The following PLEKHG6 variants were observed in gnomAD, a reference collection of about 807,000 sequenced individuals.
PLEKHG6 encodes the protein pleckstrin homology and RhoGEF domain containing G6.
In PLEKHG6, 91 loss-of-function variants were observed where a neutral mutation model predicts 97.5. The observed-to-expected ratio is 0.93, with a 90% CI of 0.79 to 1.11. PLEKHG6 has a LOEUF of 1.11. Ranked by LOEUF, PLEKHG6 falls within the 50% of genes most tolerant of loss-of-function variation. PLEKHG6 has a pLI of 0.00. For synonymous variants in PLEKHG6, 466 were observed against 425.5 expected (o/e 1.10, Z -1.17); for missense variants, 1,044 against 1,031.0 (o/e 1.01, Z -0.17).
At chr12:6,324,298 C>CG (rs1050918840) in intron 13 of PLEKHG6, among the ~76,000 whole-genome samples, 3 of 145,000 alleles carry the variant, frequency 2.1e-5, no homozygotes, top group Non-Finnish European at 3.1e-5. Context: ...CCCCTCCCCC[C>CG]CCCGCCGCCT....
intron 13 of PLEKHG6, among the ~76,000 whole-genome samples, chr12:6,325,896 C>T (rs564463795): frequency 6.6e-6 from 1 of 152,304 alleles, no homozygotes; most frequent in East Asian, 1.9e-4. Context: ...GGCACCACCC[C>T]ACTTTCTTAT....
chr12:6,327,654 C>T lies in PLEKHG6; in HGVS notation c.2071C>T (p.Arg691Trp), dbSNP rs964754584. ...VVETLHRARLRGQLPSSPTHA... is the reference protein window; with the variant it reads ...VVETLHRARLWGQLPSSPTHA... ...GGAAACACTCCACAGGGCCCGGCTT[C>T]GGGGCCAGCTTCCCTCCTCCCCAAC... Residue 691 changes from arginine to tryptophan, a missense_variant, in exon 15 of 16, where the codon CGG becomes TGG. Arg to Trp is a moderately radical substitution (Grantham distance 101). Coordinates refer to ENST00000684764, the MANE Select transcript of PLEKHG6 (RefSeq NM_001384598.1). The T allele has an allele frequency of 1.6e-5, 25 of 1,558,734 alleles. No homozygotes were observed. The highest frequency in any genetic ancestry group is 1.2e-4 in the East Asian group (5 of 42,314).
chr12:6,321,671 C>CA (rs1358070539), intron 13 of PLEKHG6, among the ~76,000 whole-genome samples: 1 of 151,534 alleles, frequency 6.6e-6, no homozygotes, highest in African/African-American at 2.4e-5. Flanking sequence ...CTAAAAAAGA[C>CA]AAAAAATTAG....
intron 14 of PLEKHG6, 60 bp from the exon 15 acceptor site, chr12:6,327,194 G>A (rs1750620073): frequency 9.3e-7 from 1 of 1,077,696 alleles, no homozygotes; most frequent in African/African-American, 1.6e-5. Flanking sequence ...AGTGATCAAG[G>A]GAAACTCCCT....
chr12:6,313,599 C>T lies in PLEKHG6; in HGVS notation c.139-30C>T, dbSNP rs535633886. The stretch of plus-strand genomic sequence containing the variant: ...TGGGGTTTCTGGGGAAAGGGAGGCA[C>T]CCCCAGAACTTCCCCTGCTCCTCTC... On this transcript the variant is annotated intron_variant, in intron 2 of 15. Coordinates refer to ENST00000684764, the MANE Select transcript of PLEKHG6 (RefSeq NM_001384598.1). 345 of 1,611,960 alleles carry T rather than the reference C, an allele frequency of 2.1e-4. 3 individuals carry two copies. The South Asian group carries it at 3.6e-3, about 17-fold the overall frequency.
Position 6,312,298 on chromosome 12 carries a change from G to T in PLEKHG6, c.72G>T (p.Gly24=), listed in dbSNP as rs1947298677. 6.4e-7 allele frequency: 1 copy of T among 1,566,072 alleles called. No homozygotes were observed. Among genetic ancestry groups the T allele is most frequent in the Non-Finnish European group, 8.6e-7 (1 of 1,162,130 alleles). Residue 24 remains glycine (G), a synonymous_variant, in exon 2 of 16, where the codon GGG becomes GGT. Coordinates refer to ENST00000684764, the MANE Select transcript of PLEKHG6 (RefSeq NM_001384598.1). ...GLVASRIETY[G]GRHRASAQST... ...TGGCCTCCCGCATTGAGACTTATGG[G>T]GGCCGGCATCGAGCCTCTGCTCAGA... is the stretch of plus-strand genomic sequence containing the variant.
At chr12:6,313,529 G>A (rs921988003) in intron 2 of PLEKHG6, 100 bp from the exon 3 acceptor site, 10 of 1,391,126 alleles carry the variant, frequency 7.2e-6, no homozygotes, top group African/African-American at 1.4e-5. Context: ...TTACCAGGGT[G>A]GGGGAACAAC....
chr12:6,322,524 G>T (rs973938148), intron 13 of PLEKHG6, among the ~76,000 whole-genome samples: 3 of 152,120 alleles, frequency 2.0e-5, no homozygotes, highest in African/African-American at 7.2e-5. Flanking sequence ...TTCCACCTAA[G>T]CCTAAACACA....
chr12:6,318,598 A>G, intron 11 of PLEKHG6, 147 bp from the exon 12 acceptor site: 1 of 1,131,224 alleles, frequency 8.8e-7, no homozygotes, highest in Non-Finnish European at 1.3e-6. Flanking sequence ...GAGAGATGTG[A>G]CCAAAGCGAC....
At position 6,318,360 on chromosome 12, in the gene PLEKHG6, G is replaced by C. The variant is rs1303703222; in HGVS notation, c.1215G>C (p.Glu405Asp). ...CCCCCATGCTGGGGGTTGCATCTGAGCACACCAGACAGCTGCTGCTGGAGG... is the reference window on the plus strand; with the variant it reads ...CCCCCATGCTGGGGGTTGCATCTGACCACACCAGACAGCTGCTGCTGGAGG... ...LTSPMLGVAS[E>D]HTRQLLLEGP... The change falls in exon 11 of 16, where the codon GAG becomes GAC. Residue 405 changes from glutamate (E) to aspartate (D), a missense_variant. Glu to Asp is a conservative substitution (Grantham distance 45, BLOSUM62 2). Transcript: ENST00000684764. 1 of 1,613,874 alleles carries C rather than the reference G, an allele frequency of 6.2e-7. No individual in the cohort carries two copies. Among genetic ancestry groups the C allele is most frequent in the Non-Finnish European group, 8.5e-7 (1 of 1,179,974 alleles).
intron 11 of PLEKHG6, 46 bp from the exon 12 acceptor site, chr12:6,318,699 T>A: frequency 1.9e-6 from 3 of 1,594,738 alleles, no homozygotes; most frequent in Non-Finnish European, 1.7e-6. Context: ...GCCCTGCCCC[T>A]GGCTCCAGCT....
intron 13 of PLEKHG6, among the ~76,000 whole-genome samples, chr12:6,324,670 G>A (rs1947810445): frequency 6.6e-6 from 1 of 152,158 alleles, no homozygotes; most frequent in South Asian, 2.1e-4. Flanking sequence ...TGAGAATGCT[G>A]TCAGCCTTGG....
chr12:6,318,521 T>G, intron 11 of PLEKHG6, 101 bp downstream of exon 11: 1 of 1,412,064 alleles, frequency 7.1e-7, no homozygotes, highest in Non-Finnish European at 9.5e-7. Flanking sequence ...GGGAAGAGGA[T>G]GTGGTTCTGG....
intron 1 of PLEKHG6, chr12:6,311,165 G>GC (rs1947249215): frequency 6.6e-6 from 1 of 152,262 alleles, no homozygotes; most frequent in Admixed American, 6.5e-5. Context: ...GCCTTCTTGA[G>GC]CCCACCGCCC....
chr12:6,315,834 G>A lies in PLEKHG6; in HGVS notation c.556-35G>A, dbSNP rs769164321. 2.9e-5 allele frequency: 44 copies of A among 1,539,634 alleles called. No homozygotes were observed. In the East Asian group the frequency reaches 6.1e-4, roughly 21 times the overall value. ...GGAGGTGACGACACTGAAGGGCTGC[G>A]CTGGGTCCTGAGACCCTCGTCTCCC... On this transcript the variant is annotated intron_variant, in intron 5 of 15. Transcript: ENST00000684764. The surrounding 1 kb of genome is among the most constrained non-coding windows in gnomAD (Gnocchi z 4.5).
chr12:6,312,037 C>G, intron 1 of PLEKHG6, 122 bp from the exon 2 acceptor site: 1 of 485,488 alleles, frequency 2.1e-6, no homozygotes, highest in South Asian at 4.0e-5. Flanking sequence ...AGTGACCAAG[C>G]CCTTGGCCCT....
At position 6,316,164 on chromosome 12, in the gene PLEKHG6, G is replaced by A. The variant is rs1305624344; in HGVS notation, c.607-91G>A. 1.2e-5 allele frequency: 16 copies of A among 1,314,046 alleles called. No individual in the cohort carries two copies. Among genetic ancestry groups the A allele is most frequent in the Non-Finnish European group, 1.5e-5 (15 of 971,400 alleles). 81.4% of individuals were successfully genotyped at this position (1,314,046 alleles called of 1,614,324 possible). ...ATCCTTCTTCACCCCCGCCCCTGCTGTCCAAGCTTAAGGTCCTCACCTTTC... is the reference window on the plus strand; with the variant it reads ...ATCCTTCTTCACCCCCGCCCCTGCTATCCAAGCTTAAGGTCCTCACCTTTC... On this transcript the variant is annotated intron_variant, in intron 6 of 15. Coordinates refer to ENST00000684764, the MANE Select transcript of PLEKHG6 (RefSeq NM_001384598.1). This position sits in a 1 kb window ranked among gnomAD's most constrained non-coding sequence, Gnocchi z 4.1.
chr12:6,313,182 C>A, intron 2 of PLEKHG6: 1 of 1,550,056 alleles, frequency 6.5e-7, no homozygotes, highest in Non-Finnish European at 8.7e-7. Context: ...GAGAAGGCTG[C>A]ACATGTGAGT....
chr12:6,315,657 C>T lies in PLEKHG6; in HGVS notation c.555+8C>T. On this transcript the variant is annotated splice_region_variant and intron_variant, in intron 5 of 15. Coordinates refer to ENST00000684764, the MANE Select transcript of PLEKHG6 (RefSeq NM_001384598.1). This position sits in a 1 kb window ranked among gnomAD's most constrained non-coding sequence, Gnocchi z 4.5. ...CTCAAGATCATGACTGATGTGAGCC[C>T]CCCTCAGCCCCAGCCCCGGCCCCAT... 1 of 1,546,390 alleles carries T rather than the reference C, an allele frequency of 6.5e-7. No homozygotes were observed. Among genetic ancestry groups the T allele is most frequent in the South Asian group, 1.1e-5 (1 of 87,268 alleles).
Sources: allele counts gnomAD v4.1 joint callset (sites outside exome capture counted in the v4.1 genomes callset), GRCh38; gene constraint gnomAD v4.1.1; non-coding constraint Gnocchi (gnomAD v3.1); transcripts MANE v1.5; gene names NCBI Gene and HGNC (gene_info 2026-07-23, HGNC 2026-07-21).